Variants in SLC4A7 observed in about 807,000 individuals in gnomAD.
SLC4A7 encodes the protein sodium bicarbonate cotransporter 3.
SLC4A7 carries 51 observed loss-of-function variants against 137.6 expected under a neutral mutation model. The observed-to-expected ratio is 0.37, with a 90% CI of 0.30 to 0.47. SLC4A7 has a LOEUF of 0.47. Among genes scored for constraint, SLC4A7 ranks in the 20% least tolerant of loss-of-function variants. The probability of loss-of-function intolerance (pLI) is 1.00; values close to 1 mark genes in which losing one functional copy is unlikely to be tolerated. For missense variants in SLC4A7, 1,247 were observed against 1,525.4 expected, an observed-to-expected ratio of 0.82 and a Z score of 3.04; for synonymous variants, 542 against 518.6, an observed-to-expected ratio of 1.05 and a Z score of -0.61.
intron 7 of SLC4A7, among the ~76,000 whole-genome samples, chr3:27,428,019 T>C (rs2055835329): frequency 1.3e-5 from 2 of 152,190 alleles, no homozygotes; most frequent in African/African-American, 4.8e-5. Flanking sequence ...CAAGACATGT[T>C]CATTGTTACT....
chr3:27,406,605 A>T (rs1285044100), intron 13 of SLC4A7, among the ~76,000 whole-genome samples: 2 of 152,212 alleles, frequency 1.3e-5, no homozygotes, highest in Non-Finnish European at 2.9e-5. Flanking sequence ...AAGCATATTT[A>T]GGAATGAATT....
Position 27,394,905 on chromosome 3 carries a change from C to T in SLC4A7, c.2865+49G>A, listed in dbSNP as rs201049417. ...AATGTTCTAATCATTACAAAAACAG[C>T]TCAAACCCTTGAAGAATCACAATGC... On this transcript the variant is annotated intron_variant, in intron 19 of 25. Coordinates refer to ENST00000454389, the MANE Select transcript of SLC4A7 (RefSeq NM_001321103.2). 1.2e-4 allele frequency: 192 copies of T among 1,552,468 alleles called. No homozygotes were observed. The East Asian group carries it at 3.5e-3, about 29-fold the overall frequency.
chr3:27,407,336 C>T (rs1157167159), intron 13 of SLC4A7, among the ~76,000 whole-genome samples: 1 of 151,680 alleles, frequency 6.6e-6, no homozygotes, highest in Non-Finnish European at 1.5e-5. Context: ...AAAAATGAGC[C>T]CGCCGTGGTG....
At chr3:27,468,976 A>G (rs2059125052) in intron 1 of SLC4A7, among the ~76,000 whole-genome samples, 1 of 152,030 alleles carries the variant, frequency 6.6e-6, no homozygotes. Flanking sequence ...GCTTCGTGGC[A>G]CACACCTGTA....
In SLC4A7 at chr3:27,400,865, C is replaced by G; in HGVS notation, c.2326G>C (p.Val776Leu). The G allele has an allele frequency of 6.5e-7, 1 of 1,543,064 alleles. No individual in the cohort carries two copies. The highest frequency in any genetic ancestry group is 8.9e-7 in the Non-Finnish European group (1 of 1,118,794). ...CTGGGGTTTGGAGGTTCAGTACATA[C>G]ACATCTGAGAAATTAGAGTAGGATA... ...NLDKLTSYSC[V>L]CTEPPNPSNE... The change falls in exon 16 of 26, where the codon GTA becomes CTA. Residue 776 changes from valine (V) to leucine (L), a missense_variant. By Grantham distance (32) the Val-to-Leu change is conservative. Coordinates refer to ENST00000454389, the MANE Select transcript of SLC4A7 (RefSeq NM_001321103.2).
At chr3:27,445,889 G>A (rs2057557890) in intron 3 of SLC4A7, among the ~76,000 whole-genome samples, 1 of 128,374 alleles carries the variant, frequency 7.8e-6, no homozygotes, top group African/African-American at 3.1e-5. Context: ...CTGAGATCGT[G>A]CCACCGCACT....
At chr3:27,406,460 A>G (rs1311482245) in intron 13 of SLC4A7, among the ~76,000 whole-genome samples, 1 of 152,238 alleles carries the variant, frequency 6.6e-6, no homozygotes, top group Non-Finnish European at 1.5e-5. Flanking sequence ...ATCTTTTGGC[A>G]GCATAAAGGA....
At chr3:27,413,871 A>T (rs9812710) in intron 11 of SLC4A7, among the ~76,000 whole-genome samples, 3,527 of 152,274 alleles carry the variant, frequency 0.023, 152 homozygotes, top group African/African-American at 0.081. Context: ...ATTAGACAAC[A>T]GAAAACAATT....
chr3:27,449,833 ATTCCT>A (rs2057944854), intron 2 of SLC4A7, among the ~76,000 whole-genome samples: 1 of 152,242 alleles, frequency 6.6e-6, no homozygotes, highest in Admixed American at 6.5e-5. Context: ...GATTAATGAC[ATTCCT>A]TTCCTAAAAA....
intron 3 of SLC4A7, among the ~76,000 whole-genome samples, chr3:27,438,801 A>G (rs140232033): frequency 3.9e-4 from 60 of 152,270 alleles, no homozygotes; most frequent in African/African-American, 1.4e-3. Context: ...CCAAGTTCCA[A>G]AAAATGATGA....
At chr3:27,419,319 C>T (rs948285028) in intron 10 of SLC4A7, among the ~76,000 whole-genome samples, 1 of 151,682 alleles carries the variant, frequency 6.6e-6, no homozygotes, top group Non-Finnish European at 1.5e-5. Flanking sequence ...CTGTAATTCC[C>T]GCACTTTGGG....
intron 7 of SLC4A7, among the ~76,000 whole-genome samples, chr3:27,430,953 T>G (rs1460941891): frequency 6.6e-6 from 1 of 152,266 alleles, no homozygotes; most frequent in East Asian, 1.9e-4. Context: ...GTGAAACTTT[T>G]TAAAAGGGCT....
chr3:27,478,378 C>T (rs189419213), intron 1 of SLC4A7, among the ~76,000 whole-genome samples: 7 of 150,680 alleles, frequency 4.6e-5, no homozygotes, highest in East Asian at 4.0e-4. Context: ...ATTAGCCGGG[C>T]GTGGTGGCGT....
intron 17 of SLC4A7, 169 bp from the exon 18 acceptor site, chr3:27,397,966 T>TA (rs1032198485): frequency 5.2e-5 from 32 of 617,584 alleles, no homozygotes; most frequent in Middle Eastern, 4.3e-4. Flanking sequence ...TCCAAAAATA[T>TA]AAGAAACACA....
In SLC4A7 at chr3:27,424,129, CA is replaced by C; in HGVS notation, c.1173del (p.Ala392LeufsTer34). ...TTACTATTGTCCAAGTTTCCAGGAG[CA>C]GACTGGGGAGAGGCCAAAATACCTA... ...LTPGILASPQ[S>X]APGNLDNSKS... On this transcript the variant is annotated frameshift_variant, in exon 8 of 26. Transcript: ENST00000454389. LOFTEE classifies it high-confidence loss of function. 1 of 1,606,296 alleles carries C rather than the reference CA, an allele frequency of 6.2e-7. No individual in the cohort carries two copies. Among genetic ancestry groups the C allele is most frequent in the Non-Finnish European group, 8.5e-7 (1 of 1,175,940 alleles).
In SLC4A7 at chr3:27,418,206, GA is replaced by G. The variant is rs767503412; in HGVS notation, c.1659+279del. On this transcript the variant is annotated intron_variant, in intron 11 of 25. Transcript: ENST00000454389. ...GATCTCCTAGATACAACTTTTATAT[GA>G]AAAAAGCAAGGTACAGAACGGTATA... is the stretch of plus-strand genomic sequence containing the variant. 4.9e-4 allele frequency among the ~76,000 whole-genome samples: 74 copies of G among 152,028 alleles called. 1 individual carries two copies. Among genetic ancestry groups the G allele is most frequent in the Admixed American group, 3.9e-4 (6 of 15,274 alleles).
At chr3:27,483,606 G>C (rs977348116) in intron 1 of SLC4A7, among the ~76,000 whole-genome samples, 5 of 152,242 alleles carry the variant, frequency 3.3e-5, no homozygotes, top group Admixed American at 6.5e-5. Flanking sequence ...TGGGGCTAGA[G>C]ACAGGTGGAG....
intron 22 of SLC4A7, among the ~76,000 whole-genome samples, chr3:27,388,390 A>G (rs1380470639): frequency 1.3e-5 from 2 of 152,170 alleles, no homozygotes; most frequent in African/African-American, 2.4e-5. Flanking sequence ...ATAGGTTTCC[A>G]TCTTTTCCTT....
Position 27,452,499 on chromosome 3 carries a change from C to T in SLC4A7, c.61-1G>A. 6.3e-7 allele frequency: 1 copy of T among 1,598,274 alleles called. No individual in the cohort carries two copies. The highest frequency in any genetic ancestry group is 8.5e-7 in the Non-Finnish European group (1 of 1,175,108). On this transcript the variant is annotated splice_acceptor_variant, in intron 1 of 25. Transcript: ENST00000454389. LOFTEE classifies it high-confidence loss of function. ...CCACAACAGCTTCTTCATCAGGACC[C>T]TAAAAACAAATTATTCTCATTGACT...
Sources: gnomAD v4.1 joint callset for allele counts (sites outside exome capture counted in the v4.1 genomes callset) on GRCh38, gnomAD v4.1.1 for gene constraint, MANE v1.5 for transcripts, NCBI Gene and HGNC (gene_info 2026-07-23, HGNC 2026-07-21) for gene names.